ARID2: variants seen among roughly 807,000 people sequenced by gnomAD.
ARID2 encodes the protein AT-rich interactive domain-containing protein 2.
ARID2 carries 32 observed loss-of-function variants against 184.6 expected under a neutral mutation model. The observed-to-expected ratio is 0.17, with a 90% CI of 0.13 to 0.23. The LOEUF (loss-of-function observed/expected upper bound fraction) is 0.23. Among genes scored for constraint, ARID2 ranks in the 10% least tolerant of loss-of-function variants. The pLI is 1.00. For missense variants in ARID2, 1,696 were observed against 2,197.6 expected, an observed-to-expected ratio of 0.77 and a Z score of 4.56; for synonymous variants, 836 against 772.6, an observed-to-expected ratio of 1.08 and a Z score of -1.36.
At position 45,858,454 on chromosome 12, in the gene ARID2, G is replaced by A. The variant is rs139182967; in HGVS notation, c.4774-2347G>A. On this transcript the variant is annotated intron_variant, in intron 15 of 20. Transcript: ENST00000334344. Reference sequence around the variant, plus strand: ...CACTTTCTCACCATCAGAGTTCTATGGCTTTTAGAATTTGCAGGTGAATGG... The same window carrying A: ...CACTTTCTCACCATCAGAGTTCTATAGCTTTTAGAATTTGCAGGTGAATGG... Among the ~76,000 whole-genome samples the A allele has an allele frequency of 1.6e-3, 236 of 152,226 alleles. 2 individuals are homozygous for A. Among genetic ancestry groups the A allele is most frequent in the African/African-American group, 5.4e-3 (225 of 41,524 alleles).
chr12:45,849,423 AT>A (rs2138155709), intron 13 of ARID2, among the ~76,000 whole-genome samples, 156 bp from the exon 14 acceptor site: 2 of 152,306 alleles, frequency 1.3e-5, no homozygotes, highest in South Asian at 4.1e-4. Context: ...TTAATCTTTT[AT>A]ATTTCTTTGC....
Position 45,907,751 on chromosome 12 carries a change from C to A in ARID2, c.*2673C>A, listed in dbSNP as rs950937295. 1.7e-5 allele frequency: 4 copies of A among 232,712 alleles called. No individual in the cohort carries two copies. The highest frequency in any genetic ancestry group is 8.8e-5 in the African/African-American group (4 of 45,278). The allele number at this position is 232,712 out of a possible 1,614,324, so 14.4% of individuals were successfully genotyped here. A position where few individuals can be genotyped will look rare whatever the true frequency, so the allele number is the denominator to read the frequency against. Reference sequence around the variant, plus strand: ...CTGTAAATACATGCTTTAATGTTATCTTTGAGAAATCTATGTAAATAATAT... The same window carrying A: ...CTGTAAATACATGCTTTAATGTTATATTTGAGAAATCTATGTAAATAATAT... On this transcript the variant is annotated 3_prime_UTR_variant, in exon 21 of 21. Coordinates refer to ENST00000334344, the MANE Select transcript of ARID2 (RefSeq NM_152641.4).
At chr12:45,804,684 TA>T (rs1203002970) in intron 3 of ARID2, among the ~76,000 whole-genome samples, 1 of 152,064 alleles carries the variant, frequency 6.6e-6, no homozygotes, top group Non-Finnish European at 1.5e-5. Flanking sequence ...TTTTTGATGT[TA>T]AAAAAATTTT....
chr12:45,741,607 C>A (rs978580951), intron 3 of ARID2, among the ~76,000 whole-genome samples: 2 of 152,158 alleles, frequency 1.3e-5, no homozygotes, highest in Admixed American at 6.5e-5. Flanking sequence ...ATGCATTTTG[C>A]TGCTTAGATT....
chr12:45,795,297 C>T lies in ARID2; in HGVS notation c.285-16121C>T, dbSNP rs532164043. Among the ~76,000 whole-genome samples the T allele has an allele frequency of 2.6e-5, 4 of 152,276 alleles. 1 individual carries two copies. The highest frequency in any genetic ancestry group is 7.2e-5 in the African/African-American group (3 of 41,562). ...ATCACCTCAAGTCTACTCCTGTTCTCATGAGGTTGCTACTTTCTGGCTGAT... is the reference window on the plus strand; with the variant it reads ...ATCACCTCAAGTCTACTCCTGTTCTTATGAGGTTGCTACTTTCTGGCTGAT... On this transcript the variant is annotated intron_variant, in intron 3 of 20. Coordinates refer to ENST00000334344, the MANE Select transcript of ARID2 (RefSeq NM_152641.4).
chr12:45,877,582 A>G (rs1383388413), intron 16 of ARID2, among the ~76,000 whole-genome samples: 1 of 152,084 alleles, frequency 6.6e-6, no homozygotes, highest in East Asian at 1.9e-4. Context: ...CGCTTGAATC[A>G]TCCCAAAACC....
At chr12:45,794,340 CTTG>C (rs1019171993) in intron 3 of ARID2, among the ~76,000 whole-genome samples, 8 of 152,100 alleles carry the variant, frequency 5.3e-5, no homozygotes, top group African/African-American at 1.4e-4. Flanking sequence ...ATGATTTTTT[CTTG>C]TTATTAATTT....
chr12:45,776,640 A>G (rs1941985325), intron 3 of ARID2, among the ~76,000 whole-genome samples: 1 of 152,148 alleles, frequency 6.6e-6, no homozygotes, highest in Non-Finnish European at 1.5e-5. Context: ...AAAAATTCAC[A>G]TGCTTCTATA....
chr12:45,862,568 C>T (rs911705302), intron 16 of ARID2, among the ~76,000 whole-genome samples: 4 of 152,072 alleles, frequency 2.6e-5, no homozygotes, highest in Non-Finnish European at 4.4e-5. Context: ...CGAAGCTTGT[C>T]GCAGTGGTGC....
At chr12:45,877,074 A>G (rs773369445) in intron 16 of ARID2, among the ~76,000 whole-genome samples, 1 of 147,966 alleles carries the variant, frequency 6.8e-6, no homozygotes, top group Non-Finnish European at 1.5e-5. Context: ...CCTGGGTGAC[A>G]GAGTGAGACT....
intron 3 of ARID2, among the ~76,000 whole-genome samples, chr12:45,754,437 G>GT (rs1419337733): frequency 6.6e-5 from 10 of 152,320 alleles, no homozygotes; most frequent in African/African-American, 2.2e-4. Flanking sequence ...GGTAGAATTA[G>GT]TTAGTAGAAT....
chr12:45,905,388 A>G lies in ARID2; in HGVS notation c.*310A>G. On this transcript the variant is annotated 3_prime_UTR_variant, in exon 21 of 21. Transcript: ENST00000334344. ...ACTGGTATGATCAGAATTCAGTACC[A>G]TCCACATTGGAATATACATGGAATA... 1 of 262,416 alleles carries G rather than the reference A, an allele frequency of 3.8e-6. No individual in the cohort carries two copies. The highest frequency in any genetic ancestry group is 7.3e-6 in the Non-Finnish European group (1 of 137,366). 16.3% of individuals were successfully genotyped at this position (262,416 alleles called of 1,614,324 possible). A position where few individuals can be genotyped will look rare whatever the true frequency, so the allele number is the denominator to read the frequency against.
chr12:45,815,697 C>G (rs1021586220), intron 4 of ARID2, among the ~76,000 whole-genome samples: 1 of 151,974 alleles, frequency 6.6e-6, no homozygotes, highest in African/African-American at 2.4e-5. Flanking sequence ...GGTCTCACTT[C>G]GTCGCTCAGG....
At chr12:45,737,765 CT>C (rs1941158774) in intron 3 of ARID2, among the ~76,000 whole-genome samples, 1 of 152,062 alleles carries the variant, frequency 6.6e-6, no homozygotes, top group Non-Finnish European at 1.5e-5. Flanking sequence ...GCTGAGATGA[CT>C]AGTTTAACAT....
In ARID2 at chr12:45,826,149, CAT is replaced by C. The variant is rs1399910055; in HGVS notation, c.705+4665_705+4666del. Among the ~76,000 whole-genome samples, 10 of 152,056 alleles carry C rather than the reference CAT, an allele frequency of 6.6e-5. No homozygotes were observed. The East Asian group carries it at 1.2e-3, about 18-fold the overall frequency. On this transcript the variant is annotated intron_variant, in intron 6 of 20. Coordinates refer to ENST00000334344, the MANE Select transcript of ARID2 (RefSeq NM_152641.4). ...TGTAGATTTGTTTTTCTATCATAAA[CAT>C]ATTTTTACTTGAATTAAAAGTTAAT... is the stretch of plus-strand genomic sequence containing the variant.
chr12:45,852,259 A>G lies in ARID2; in HGVS notation c.4136A>G (p.His1379Arg), dbSNP rs751628995. 6.2e-6 allele frequency: 10 copies of G among 1,614,026 alleles called. No homozygotes were observed. Among genetic ancestry groups the G allele is most frequent in the Non-Finnish European group, 7.6e-6 (9 of 1,180,018 alleles). Reference sequence around the variant, plus strand: ...CATTTAAGCAAAAACATTCCAAATCATAAAACTTCCAATCATGTAGGAAAT... The same window carrying G: ...CATTTAAGCAAAAACATTCCAAATCGTAAAACTTCCAATCATGTAGGAAAT... ...GSHLSKNIPN[H>R]KTSNHVGNGE... Residue 1379 changes from histidine to arginine, a missense_variant, in exon 15 of 21, where the codon CAT (histidine) becomes CGT (arginine). Around this residue, in one of 11 missense-constraint regions of ARID2, gnomAD observed 428 missense variants for 409.1 expected, o/e 1.05. Transcript: ENST00000334344.
chr12:45,900,208 C>T (rs1291984654), intron 20 of ARID2, among the ~76,000 whole-genome samples: 5 of 151,968 alleles, frequency 3.3e-5, no homozygotes, highest in African/African-American at 7.3e-5. Flanking sequence ...CTACAGGCTC[C>T]CACTACTACG....
chr12:45,862,221 T>C (rs1943761818), intron 16 of ARID2, among the ~76,000 whole-genome samples: 1 of 152,206 alleles, frequency 6.6e-6, no homozygotes, highest in Non-Finnish European at 1.5e-5. Context: ...TAGTTCACCA[T>C]GTTAGCAAGG....
At chr12:45,796,925 AAC>A in intron 3 of ARID2, among the ~76,000 whole-genome samples, 1 of 152,328 alleles carries the variant, frequency 6.6e-6, no homozygotes, top group African/African-American at 2.4e-5. Context: ...GAACCGATAT[AAC>A]ACTATGTATT....
Sources: allele counts gnomAD v4.1 joint callset (sites outside exome capture counted in the v4.1 genomes callset), GRCh38; gene constraint gnomAD v4.1.1; regional missense constraint gnomAD v4.1.1; transcripts MANE v1.5; gene names NCBI Gene and HGNC (gene_info 2026-07-23, HGNC 2026-07-21).